The following ARX variants were observed in gnomAD, a reference collection of about 807,000 sequenced individuals.
The protein encoded by ARX is homeobox protein ARX.
Under a neutral mutation model 23.1 loss-of-function variants are expected in ARX, and 1 was observed. The observed-to-expected ratio is 0.04, with a 90% CI of 0.02 to 0.21. The LOEUF (loss-of-function observed/expected upper bound fraction) is 0.21. ARX is among the 10% of genes least tolerant of loss of function. ARX has a pLI of 1.00. For missense variants in ARX, 380 were observed against 527.5 expected (o/e 0.72, Z 2.74); for synonymous variants, 301 against 270.1 (o/e 1.11, Z -1.12).
intron 3 of ARX, among the ~76,000 whole-genome samples, chrX:25,008,188 C>G (rs1201777262): frequency 1.8e-5 from 2 of 112,628 alleles, no homozygotes; most frequent in African/African-American, 6.5e-5. Flanking sequence ...GGTCAATCCT[C>G]TATGAAATGA....
intron 4 of ARX, among the ~76,000 whole-genome samples, chrX:25,005,344 G>A (rs770582217): frequency 1.5e-3 from 93 of 61,672 alleles, no homozygotes; most frequent in African/African-American, 2.0e-3. Flanking sequence ...AGGGTGGGAG[G>A]GGGGAGGAAA....
Position 25,007,298 on chromosome X carries a change from G to T in ARX, c.1261C>A (p.Pro421Thr), listed in dbSNP as rs1417254985. The T allele has an allele frequency of 8.9e-7, 1 of 1,124,760 alleles. No individual in the cohort carries two copies. 92.7% of individuals were successfully genotyped at this position (1,124,760 alleles called of 1,213,427 possible). ...GCGGAGTCGAGCGCCGGGTGGTGCG[G>T]AGGGAAGGGGCTGGCGTCCAGGTAG... is the stretch of plus-strand genomic sequence containing the variant. ...SPYLDASPFP[P>T]HHPALDSAWT... Residue 421 changes from proline to threonine, a missense_variant, in exon 4 of 5, where the codon CCG (proline) becomes ACG (threonine). Coordinates refer to ENST00000379044, the MANE Select transcript of ARX (RefSeq NM_139058.3).
At chrX:25,011,452 AGGGC>A (rs766598375) in intron 2 of ARX, among the ~76,000 whole-genome samples, 5 of 113,252 alleles carry the variant, frequency 4.4e-5, no homozygotes, top group Non-Finnish European at 9.4e-5. Context: ...AAGCTAAGAA[AGGGC>A]GGACGTGGAT....
rs1354106426 is a variant in ARX at position 25,012,917 on chromosome X, C to T, written c.1073+5G>A. On this transcript the variant is annotated splice_donor_5th_base_variant and intron_variant, in intron 2 of 4. Transcript: ENST00000379044. Reference sequence around the variant, plus strand: ...GCTGCGACCGCGACCACCCTACGCGCATACCTGGTGAAGACGTCCGGGTAG... The same window carrying T: ...GCTGCGACCGCGACCACCCTACGCGTATACCTGGTGAAGACGTCCGGGTAG... 4 of 1,204,051 alleles carry T rather than the reference C, an allele frequency of 3.3e-6. No homozygotes were observed. The highest frequency in any genetic ancestry group is 4.5e-6 in the Non-Finnish European group (4 of 892,354).
chrX:25,008,499 C>T (rs779870444), intron 3 of ARX, among the ~76,000 whole-genome samples: 1 of 112,029 alleles, frequency 8.9e-6, no homozygotes, highest in Non-Finnish European at 1.9e-5. Flanking sequence ...TTACCTGAAA[C>T]ATGGCAGCTA....
intron 2 of ARX, among the ~76,000 whole-genome samples, chrX:25,011,404 C>G (rs958874073): frequency 8.9e-6 from 1 of 112,417 alleles, no homozygotes; most frequent in Non-Finnish European, 1.9e-5. Flanking sequence ...TGCCCCTCCT[C>G]GTGCACTTCG....
intron 1 of ARX, among the ~76,000 whole-genome samples, chrX:25,014,152 T>A (rs754148259): frequency 1.8e-5 from 2 of 108,225 alleles, no homozygotes; most frequent in South Asian, 8.5e-4. Context: ...TTTTTCTTTC[T>A]CCCCCTCCCT....
intron 1 of ARX, among the ~76,000 whole-genome samples, chrX:25,014,178 T>C (rs2048715963): frequency 9.2e-6 from 1 of 108,998 alleles, no homozygotes; most frequent in African/African-American, 3.3e-5. Context: ...TCCTCACCTC[T>C]CTTTCTCCTT....
chrX:25,014,436 A>G (rs1012374470), intron 1 of ARX, among the ~76,000 whole-genome samples: 1 of 113,231 alleles, frequency 8.8e-6, no homozygotes, highest in Admixed American at 9.2e-5. Context: ...TGCAGCCCTG[A>G]AGGCGACCGC....
Position 25,013,445 on chromosome X carries a change from G to A in ARX, c.550C>T (p.Pro184Ser), listed in dbSNP as rs1363594638. ...AGCTCGTCCAGCGCGGGCGGCGGCG[G>A]CACGAAGGGCGCCCCGTTCTCGCGG... is the stretch of plus-strand genomic sequence containing the variant. Reference protein sequence around the residue: ...SYRENGAPFVPPPPALDELGG... With the variant: ...SYRENGAPFVSPPPALDELGG... The change falls in exon 2 of 5, where the codon CCG becomes TCG. Residue 184 changes from proline (P) to serine (S), a missense_variant. Pro to Ser is a moderately conservative substitution (Grantham distance 74). Around this residue, in one of 3 missense-constraint regions of ARX, gnomAD observed 235 missense variants for 270.2 expected, o/e 0.87. Transcript: ENST00000379044. The A allele has an allele frequency of 2.1e-6, 2 of 932,864 alleles. No individual in the cohort carries two copies. Among genetic ancestry groups the A allele is most frequent in the Admixed American group, 5.0e-5 (1 of 19,908 alleles). 76.9% of individuals were successfully genotyped at this position (932,864 alleles called of 1,213,427 possible). A position where few individuals can be genotyped will look rare whatever the true frequency, so the allele number is the denominator to read the frequency against.
At chrX:25,008,135 G>T (rs934737218) in intron 3 of ARX, among the ~76,000 whole-genome samples, 4 of 112,647 alleles carry the variant, frequency 3.6e-5, no homozygotes, top group Non-Finnish European at 5.6e-5. Context: ...ATGAGAGGGA[G>T]GGAAGAAAGG....
At chrX:25,007,493 G>T in intron 3 of ARX, 54 bp from the exon 4 acceptor site, 1 of 1,129,128 alleles carries the variant, frequency 8.9e-7, no homozygotes, top group Non-Finnish European at 1.2e-6. Flanking sequence ...CGGGCGCACC[G>T]GGCCCCTACC....
In ARX at chrX:25,010,284, C is replaced by A; in HGVS notation, c.1095G>T (p.Leu365=). ...CCTGGACTCGGGCCTCGGTCAAGTC[C>A]AGCCTCATGGCCAGTTCCTCCCTAT... The part of the protein sequence containing the change: ...VFTREELAMR[L]DLTEARVQVW... Residue 365 remains leucine, a synonymous_variant, in exon 3 of 5, where the codon CTG becomes CTT. Coordinates refer to ENST00000379044, the MANE Select transcript of ARX (RefSeq NM_139058.3). The A allele has an allele frequency of 8.3e-7, 1 of 1,209,941 alleles. No homozygotes were observed. The highest frequency in any genetic ancestry group is 1.1e-6 in the Non-Finnish European group (1 of 895,068).
In ARX at chrX:25,004,678, C is replaced by T; in HGVS notation, c.1681G>A (p.Val561Met). Reference sequence around the variant, plus strand: ...GGTGTGGAGGGCAGCCTTTAGCACACCTCCTTGCCCGTGCTGGTGCCCGGC... The same window carrying T: ...GGTGTGGAGGGCAGCCTTTAGCACATCTCCTTGCCCGTGCTGGTGCCCGGC... ...ILPGTSTGKE[V>M]C Residue 561 changes from valine (V) to methionine (M), a missense_variant, in exon 5 of 5, where the codon GTG becomes ATG. Physicochemically the swap from Val to Met is conservative, Grantham distance 21. This residue lies in a region of ARX where 121 missense variants were observed against 169.7 expected (regional missense o/e 0.71). Transcript: ENST00000379044. The T allele has an allele frequency of 8.6e-7, 1 of 1,165,038 alleles. No individual in the cohort carries two copies. The highest frequency in any genetic ancestry group is 1.1e-6 in the Non-Finnish European group (1 of 872,626).
Position 25,004,277 on chromosome X carries a change from G to A in ARX, c.*393C>T, listed in dbSNP as rs2048666942. 6.8e-6 allele frequency: 1 copy of A among 147,069 alleles called. No homozygotes were observed. Among genetic ancestry groups the A allele is most frequent in the East Asian group, 2.1e-4 (1 of 4,773 alleles). The allele number at this position is 147,069 out of a possible 1,213,427, so 12.1% of individuals were successfully genotyped here. ...ATGCTATTTAAAAAAAAAAAAGAAA[G>A]AAAGAAAGAAAGAAAAGAAAGGCTA... On this transcript the variant is annotated 3_prime_UTR_variant, in exon 5 of 5. Transcript: ENST00000379044.
At chrX:25,007,071 G>GAGAC (rs746696330) in intron 4 of ARX, 40 bp downstream of exon 4, 20 of 1,158,769 alleles carry the variant, frequency 1.7e-5, no homozygotes, top group East Asian at 3.2e-5. Context: ...GTGTGTATGA[G>GAGAC]AGACAGACAG....
intron 3 of ARX, among the ~76,000 whole-genome samples, chrX:25,008,886 G>A (rs1021908941): frequency 8.9e-6 from 1 of 111,868 alleles, no homozygotes; most frequent in Non-Finnish European, 1.9e-5. Flanking sequence ...GGCCAAAAGG[G>A]GGCCCATTCA....
At chrX:25,010,499 C>T (rs1040655303) in intron 2 of ARX, among the ~76,000 whole-genome samples, 194 bp from the exon 3 acceptor site, 2 of 108,892 alleles carry the variant, frequency 1.8e-5, no homozygotes, top group African/African-American at 3.4e-5. Flanking sequence ...TGCAAAAACA[C>T]GAAGCACATT....
rs183927172 is a variant in ARX at position 25,015,442 on chromosome X, C to T, written c.196+100G>A. On this transcript the variant is annotated intron_variant, in intron 1 of 4. Coordinates refer to ENST00000379044, the MANE Select transcript of ARX (RefSeq NM_139058.3). ...TCAGAGTTATGCCCTCTCCTTCCTT[C>T]CTCTCCAAATTGACAATTCCAGGCC... is the stretch of plus-strand genomic sequence containing the variant. The T allele has an allele frequency of 2.9e-5, 30 of 1,034,646 alleles. No homozygotes were observed. The Admixed American group carries it at 6.7e-4, about 23-fold the overall frequency. The allele number at this position is 1,034,646 out of a possible 1,213,427, so 85.3% of individuals were successfully genotyped here.
Sources: gnomAD v4.1 joint callset for allele counts (sites outside exome capture counted in the v4.1 genomes callset) on GRCh38, gnomAD v4.1.1 for gene constraint, gnomAD v4.1.1 regional missense constraint, MANE v1.5 for transcripts, NCBI Gene and HGNC (gene_info 2026-07-23, HGNC 2026-07-21) for gene names.